Variants in PRP4K observed in about 807,000 individuals in gnomAD.
The protein encoded by PRP4K is pre-mRNA processing factor kinase PRP4K.
chr6:4,052,133 A>G, the PRP4K span: 1 of 1,512,116 alleles, frequency 6.6e-7, no homozygotes, highest in South Asian at 1.4e-5. Context: ...TGCAAATTTA[A>G]CTTCTTCATC....
chr6:4,029,012 CTTTTTTTTTTT>C, the PRP4K span, among the ~76,000 whole-genome samples: 39 of 132,468 alleles, frequency 2.9e-4, 2 homozygotes, highest in African/African-American at 8.1e-4. Context: ...TACTTGGAAT[CTTTTTTTTTTT>C]TTTTTTTTTT....
the PRP4K span, among the ~76,000 whole-genome samples, chr6:4,053,840 G>A: frequency 2.0e-5 from 3 of 152,086 alleles, no homozygotes; most frequent in Non-Finnish European, 4.4e-5. Flanking sequence ...CGTGTAAGGT[G>A]TTCTTTATTG....
the PRP4K span, chr6:4,056,953 CA>C: frequency 7.5e-7 from 1 of 1,341,356 alleles, no homozygotes; most frequent in Non-Finnish European, 1.0e-6. Context: ...CTAAGGTAGC[CA>C]GCCCCTCATT....
the PRP4K span, chr6:4,064,481 T>G: frequency 1.3e-5 from 2 of 152,536 alleles, no homozygotes; most frequent in African/African-American, 4.8e-5. Flanking sequence ...AGTTAAGAAA[T>G]GGCCCTTTTG....
chr6:4,044,779 C>G, the PRP4K span, among the ~76,000 whole-genome samples: 2 of 151,760 alleles, frequency 1.3e-5, no homozygotes, highest in Admixed American at 6.6e-5. Flanking sequence ...ATTATATTGG[C>G]CTTTTCCTTT....
At chr6:4,026,721 T>TA in the PRP4K span, among the ~76,000 whole-genome samples, 5 of 152,372 alleles carry the variant, frequency 3.3e-5, no homozygotes, top group East Asian at 7.7e-4. Flanking sequence ...TCTGCTCATA[T>TA]AGTGCTTACA....
chr6:4,050,893 G>T, the PRP4K span, among the ~76,000 whole-genome samples: 29 of 151,946 alleles, frequency 1.9e-4, no homozygotes, highest in South Asian at 2.1e-3. Flanking sequence ...CTGTTTTTTT[G>T]TTGTTGTTTG....
chr6:4,021,653 T>C, the PRP4K span, among the ~76,000 whole-genome samples: 39,021 of 152,088 alleles, frequency 0.26, 5,283 homozygotes, highest in African/African-American at 0.3. Flanking sequence ...CCAGAGGCCG[T>C]GGCTGCTGGG....
At chr6:4,037,481 A>G in the PRP4K span, 1 of 1,614,106 alleles carries the variant, frequency 6.2e-7, no homozygotes, top group East Asian at 2.2e-5. Context: ...CAACCCGAAG[A>G]AGAAGTAGAT....
chr6:4,056,751 G>A, the PRP4K span: 1 of 1,485,798 alleles, frequency 6.7e-7, no homozygotes, highest in Non-Finnish European at 9.0e-7. Flanking sequence ...CTTGGTTGAG[G>A]CTGATTAGCA....
the PRP4K span, among the ~76,000 whole-genome samples, chr6:4,035,227 C>CCACT: frequency 1.3e-5 from 2 of 148,754 alleles, no homozygotes. Flanking sequence ...AGCAATTCTC[C>CCACT]TGCCTCAGCT....
At chr6:4,058,867 T>A in the PRP4K span, 1 of 1,345,718 alleles carries the variant, frequency 7.4e-7, no homozygotes, top group Non-Finnish European at 1.0e-6. Flanking sequence ...AACTGAGTAC[T>A]AAATCATACG....
the PRP4K span, chr6:4,031,964 A>G: frequency 6.2e-7 from 1 of 1,614,106 alleles, no homozygotes; most frequent in South Asian, 1.1e-5. Context: ...AAGAGGGGGA[A>G]ATTCATGAAA....
At chr6:4,041,954 G>T in the PRP4K span, among the ~76,000 whole-genome samples, 1 of 152,214 alleles carries the variant, frequency 6.6e-6, no homozygotes. Flanking sequence ...GGATCATAAA[G>T]ATTGTGGAGG....
At chr6:4,049,874 G>A in the PRP4K span, 2 of 1,614,002 alleles carry the variant, frequency 1.2e-6, no homozygotes, top group Non-Finnish European at 1.7e-6. Flanking sequence ...GAAACAATGA[G>A]CTCATGTAAG....
the PRP4K span, among the ~76,000 whole-genome samples, chr6:4,023,231 A>G: frequency 2.0e-5 from 3 of 152,264 alleles, no homozygotes; most frequent in Admixed American, 2.0e-4. Context: ...TGAGTAGTTT[A>G]CAGTTATATA....
chr6:4,032,347 C>A, the PRP4K span: 1 of 1,613,846 alleles, frequency 6.2e-7, no homozygotes, highest in South Asian at 1.1e-5. Context: ...AGGAAAAAAT[C>A]CCCAATTATA....
the PRP4K span, chr6:4,056,785 AAAGAG>A: frequency 5.2e-6 from 7 of 1,340,732 alleles, no homozygotes; most frequent in East Asian, 1.9e-4. Context: ...CGAAATGAGA[AAAGAG>A]AAGAAATACA....
chr6:4,059,251 C>T, the PRP4K span, among the ~76,000 whole-genome samples: 1 of 152,214 alleles, frequency 6.6e-6, no homozygotes, highest in Non-Finnish European at 1.5e-5. Flanking sequence ...GACCTCTCTT[C>T]AGTACATTCA....
Sources: allele counts gnomAD v4.1 joint callset (sites outside exome capture counted in the v4.1 genomes callset), GRCh38; gene constraint gnomAD v4.1.1; transcripts MANE v1.5; gene names NCBI Gene and HGNC (gene_info 2026-07-23, HGNC 2026-07-21).